The following AKAP13 variants were observed in gnomAD, a reference collection of about 807,000 sequenced individuals.
AKAP13 encodes A-kinase anchoring protein 13.
In AKAP13, 80 loss-of-function variants were observed where a neutral mutation model predicts 264.5. That is an observed-to-expected ratio of 0.30 (90% CI 0.25 to 0.36). The LOEUF is 0.36. Among genes scored for constraint, AKAP13 ranks in the 10% least tolerant of loss-of-function variants. The pLI, the probability that AKAP13 is intolerant of heterozygous loss-of-function variation, is 1.00. For synonymous variants in AKAP13, 1,380 were observed against 1,250.2 expected (o/e 1.10, Z -2.19); for missense variants, 3,712 against 3,435.2 (o/e 1.08, Z -2.01).
At chr15:85,548,730 G>C (rs2077846136) in intron 5 of AKAP13, among the ~76,000 whole-genome samples, 1 of 152,060 alleles carries the variant, frequency 6.6e-6, no homozygotes. Context: ...CAGTTGATCG[G>C]TCTACCAGAT....
chr15:85,556,580 C>T (rs545185352), intron 5 of AKAP13, among the ~76,000 whole-genome samples: 7 of 152,202 alleles, frequency 4.6e-5, no homozygotes, highest in African/African-American at 1.7e-4. Flanking sequence ...ATCCTAGTTC[C>T]TACCAGGACT....
At chr15:85,707,921 A>G (rs542272395) in intron 17 of AKAP13, 98 bp from the exon 18 acceptor site, 1 of 1,166,572 alleles carries the variant, frequency 8.6e-7, no homozygotes, top group Non-Finnish European at 1.3e-6. Flanking sequence ...GAGTGACTTC[A>G]CTTTGAAATT....
chr15:85,384,012 T>A (rs554337287), intron 1 of AKAP13, among the ~76,000 whole-genome samples: 19 of 152,368 alleles, frequency 1.2e-4, no homozygotes, highest in African/African-American at 4.3e-4. Context: ...TAGCATAGTT[T>A]AGAATACTTA....
chr15:85,737,263 C>T (rs1417921342), intron 33 of AKAP13, among the ~76,000 whole-genome samples: 1 of 152,094 alleles, frequency 6.6e-6, no homozygotes, highest in East Asian at 1.9e-4. Context: ...ATATGTGTTT[C>T]ATCTGTGAAG....
intron 11 of AKAP13, among the ~76,000 whole-genome samples, chr15:85,658,076 A>T (rs2083181356): frequency 6.6e-6 from 1 of 152,150 alleles, no homozygotes; most frequent in Non-Finnish European, 1.5e-5. Flanking sequence ...GCATAATGTC[A>T]TGGGATCTCC....
intron 27 of AKAP13, 79 bp from the exon 28 acceptor site, chr15:85,726,987 C>A: frequency 1.3e-6 from 2 of 1,524,582 alleles, no homozygotes; most frequent in South Asian, 1.2e-5. Flanking sequence ...AGCATCTGGT[C>A]TTACCTTAGA....
chr15:85,508,531 G>A (rs1364726533), intron 2 of AKAP13, among the ~76,000 whole-genome samples: 2 of 151,936 alleles, frequency 1.3e-5, no homozygotes, highest in Admixed American at 1.3e-4. Flanking sequence ...CTTTAGCTGA[G>A]TCCTCTATCG....
chr15:85,560,180 T>C (rs1339561228), intron 5 of AKAP13, among the ~76,000 whole-genome samples: 2 of 142,488 alleles, frequency 1.4e-5, no homozygotes, highest in African/African-American at 2.6e-5. Flanking sequence ...AATAATCAAT[T>C]AATTCTTCCT....
At chr15:85,715,160 A>G (rs2086856898) in intron 19 of AKAP13, among the ~76,000 whole-genome samples, 1 of 152,170 alleles carries the variant, frequency 6.6e-6, no homozygotes, top group Non-Finnish European at 1.5e-5. Context: ...TCTTTTAAGC[A>G]TGAAAGATAG....
chr15:85,563,726 G>T (rs1435730532), intron 5 of AKAP13, among the ~76,000 whole-genome samples: 1 of 152,212 alleles, frequency 6.6e-6, no homozygotes. Flanking sequence ...TGTTAGCAAT[G>T]TGCTAAGTAA....
intron 19 of AKAP13, among the ~76,000 whole-genome samples, chr15:85,714,297 A>C (rs1228057835): frequency 6.6e-6 from 1 of 152,228 alleles, no homozygotes; most frequent in Non-Finnish European, 1.5e-5. Context: ...GAGTAGACCA[A>C]GAAGGAAGAG....
At position 85,719,794 on chromosome 15, in the gene AKAP13, G is replaced by A. The variant is rs550406280; in HGVS notation, c.6252+468G>A. ...TACTAAAAATACAAAAATTAGCCAGGCGTGGTGGCATATGGGAGACTGAGA... is the reference window on the plus strand; with the variant it reads ...TACTAAAAATACAAAAATTAGCCAGACGTGGTGGCATATGGGAGACTGAGA... On this transcript the variant is annotated intron_variant, in intron 23 of 36. Coordinates refer to ENST00000394518, the MANE Select transcript of AKAP13 (RefSeq NM_007200.5). Among the ~76,000 whole-genome samples the A allele has an allele frequency of 3.3e-5, 5 of 152,002 alleles. No homozygotes were observed. The East Asian group carries it at 9.7e-4, about 29-fold the overall frequency.
At chr15:85,574,491 T>G (rs2078941937) in intron 5 of AKAP13, among the ~76,000 whole-genome samples, 1 of 152,254 alleles carries the variant, frequency 6.6e-6, no homozygotes, top group African/African-American at 2.4e-5. Context: ...TTGAGCAAAC[T>G]TGCTTGTTTT....
chr15:85,413,993 A>G (rs1457673149), intron 1 of AKAP13, among the ~76,000 whole-genome samples: 1 of 151,976 alleles, frequency 6.6e-6, no homozygotes. Flanking sequence ...GTTTTCTCCA[A>G]CCTTTTTTAC....
intron 8 of AKAP13, among the ~76,000 whole-genome samples, chr15:85,614,152 A>T (rs374364926): frequency 6.6e-6 from 1 of 152,216 alleles, no homozygotes; most frequent in South Asian, 2.1e-4. Context: ...GGGCATCCAC[A>T]TCACAAGAAG....
chr15:85,734,728 A>C (rs1361459832), intron 30 of AKAP13, among the ~76,000 whole-genome samples: 1 of 152,194 alleles, frequency 6.6e-6, no homozygotes, highest in Non-Finnish European at 1.5e-5. Context: ...TGTCACTTCT[A>C]GTAAATTACT....
At chr15:85,742,239 G>A (rs2089070553) in intron 35 of AKAP13, among the ~76,000 whole-genome samples, 1 of 152,206 alleles carries the variant, frequency 6.6e-6, no homozygotes, top group African/African-American at 2.4e-5. Flanking sequence ...CTGAGAAAAT[G>A]GCAGTCAGCC....
At position 85,613,691 on chromosome 15, in the gene AKAP13, A is replaced by AAAAAAAT. The variant is rs1313187436; in HGVS notation, c.4162-25682_4162-25681insAAAAATA. Among the ~76,000 whole-genome samples, 643 of 91,930 alleles carry AAAAAAAT rather than the reference A, an allele frequency of 7.0e-3. 15 individuals are homozygous for AAAAAAAT. The highest frequency in any genetic ancestry group is 0.011 in the Middle Eastern group (2 of 190). The allele number at this position is 91,930 out of a possible 152,430, so 60.3% of individuals were successfully genotyped here. A position where few individuals can be genotyped will look rare whatever the true frequency, so the allele number is the denominator to read the frequency against. ...GCCAGACTCCGTCTAAAAAAAAAAA[A>AAAAAAAT]ATATATATATATATATATATATTAG... On this transcript the variant is annotated intron_variant, in intron 8 of 36. Transcript: ENST00000394518.
chr15:85,591,878 A>G (rs527815215), intron 8 of AKAP13, among the ~76,000 whole-genome samples: 1 of 152,280 alleles, frequency 6.6e-6, no homozygotes, highest in African/African-American at 2.4e-5. Context: ...ACAAACCAGT[A>G]TATATTGTCA....
Sources: gnomAD v4.1 joint callset for allele counts (sites outside exome capture counted in the v4.1 genomes callset) on GRCh38, gnomAD v4.1.1 for gene constraint, MANE v1.5 for transcripts, NCBI Gene and HGNC (gene_info 2026-07-23, HGNC 2026-07-21) for gene names.